ZNF287: variants seen among roughly 807,000 people sequenced by gnomAD.
ZNF287 encodes the protein zinc finger protein 287, also known as zinc finger protein with KRAB and SCAN domains 13.
Under a neutral mutation model 73.7 loss-of-function variants are expected in ZNF287, and 31 were observed. The ratio of observed to expected loss-of-function variants is 0.42; its 90% CI spans 0.32 to 0.57. The LOEUF (loss-of-function observed/expected upper bound fraction) is 0.57, where lower values mean the gene tolerates loss of function less well. Ranked by LOEUF, ZNF287 falls within the 20% of genes least tolerant of loss-of-function variation. ZNF287 has a pLI of 0.13. For missense variants in ZNF287, 641 were observed against 909.3 expected (o/e 0.70, Z 3.79); for synonymous variants, 301 against 307.2 (o/e 0.98, Z 0.21).
chr17:16,551,889 T>G lies in ZNF287; in HGVS notation c.2253A>C (p.Gln751His), dbSNP rs757741907. 1.2e-6 allele frequency: 2 copies of G among 1,608,498 alleles called. No homozygotes were observed. The highest frequency in any genetic ancestry group is 2.2e-5 in the East Asian group (1 of 44,786). ...GATGTTTGGCACCTGTATGAACACG[T>G]TGATGCTGAATAAGGTTTGTACTCT... The part of the protein sequence containing the change: ...FTQSTNLIQH[Q>H]RVHTGAKHRN Residue 751 changes from glutamine (Q) to histidine (H), a missense_variant, in exon 6 of 6, where the codon CAA becomes CAC. Gln to His is a conservative substitution (Grantham distance 24). This residue lies in a region of ZNF287 where 284 missense variants were observed against 466.8 expected (regional missense o/e 0.61). Transcript: ENST00000395825.
Position 16,549,734 on chromosome 17 carries a change from TA to T in ZNF287, c.*2121del, listed in dbSNP as rs1160728185. On this transcript the variant is annotated 3_prime_UTR_variant, in exon 6 of 6. Transcript: ENST00000395825. ...GGAAGTTGCATGGTTAATACATGCT[TA>T]AATTGATATTTATAGCACCAGAATT... Among the ~76,000 whole-genome samples the T allele has an allele frequency of 6.6e-6, 1 of 152,248 alleles. No homozygotes were observed. Among genetic ancestry groups the T allele is most frequent in the Non-Finnish European group, 1.5e-5 (1 of 68,048 alleles).
Position 16,551,490 on chromosome 17 carries a change from G to A in ZNF287, c.*366C>T, listed in dbSNP as rs769941875. The A allele has an allele frequency of 2.4e-4, 47 of 197,178 alleles. No individual in the cohort carries two copies. The highest frequency in any genetic ancestry group is 1.0e-3 in the African/African-American group (45 of 42,874). The allele number at this position is 197,178 out of a possible 1,614,324, so 12.2% of individuals were successfully genotyped here. ...ATACACAGGTTCCACCAGGCTGACC[G>A]TGCAACTTGAGTATGGGTAGATTTT... On this transcript the variant is annotated 3_prime_UTR_variant, in exon 6 of 6. Transcript: ENST00000395825.
intron 3 of ZNF287, among the ~76,000 whole-genome samples, chr17:16,564,237 G>T (rs1907617213): frequency 6.6e-6 from 1 of 152,164 alleles, no homozygotes; most frequent in African/African-American, 2.4e-5. Context: ...GTCTTGCCTG[G>T]TCACCTGGAC....
intron 5 of ZNF287, among the ~76,000 whole-genome samples, chr17:16,562,055 T>C (rs1047593169): frequency 3.3e-5 from 5 of 152,204 alleles, no homozygotes; most frequent in African/African-American, 4.8e-5. Context: ...TATAGAGATA[T>C]AGCAGAAGTG....
chr17:16,560,431 C>G (rs1907362974), intron 5 of ZNF287, among the ~76,000 whole-genome samples: 6 of 149,878 alleles, frequency 4.0e-5, no homozygotes, highest in Admixed American at 4.0e-4. Flanking sequence ...CTCACTGCAA[C>G]CCCCGCCTCC....
intron 5 of ZNF287, 127 bp downstream of exon 5, chr17:16,563,019 C>T (rs1312682325): frequency 3.0e-6 from 2 of 671,660 alleles, no homozygotes; most frequent in Admixed American, 2.8e-5. Context: ...CCAAACAGCT[C>T]AGTGTTCTTC....
chr17:16,549,991 T>C lies in ZNF287; in HGVS notation c.*1865A>G, dbSNP rs1333045210. Among the ~76,000 whole-genome samples, 1 of 152,224 alleles carries C rather than the reference T, an allele frequency of 6.6e-6. No homozygotes were observed. The highest frequency in any genetic ancestry group is 6.5e-5 in the Admixed American group (1 of 15,282). On this transcript the variant is annotated 3_prime_UTR_variant, in exon 6 of 6. Transcript: ENST00000395825. ...ATTTATTCATTAATTCAACCATGTA[T>C]TGACCATGCACTATTATGCAAGGGA...
chr17:16,548,669 G>A lies in ZNF287; in HGVS notation c.*3187C>T, dbSNP rs1310019075. Among the ~76,000 whole-genome samples, 12 of 152,028 alleles carry A rather than the reference G, an allele frequency of 7.9e-5. No individual in the cohort carries two copies. The highest frequency in any genetic ancestry group is 2.4e-4 in the African/African-American group (10 of 41,388). On this transcript the variant is annotated 3_prime_UTR_variant, in exon 6 of 6. Coordinates refer to ENST00000395825, the MANE Select transcript of ZNF287 (RefSeq NM_020653.4). The stretch of plus-strand genomic sequence containing the variant: ...AAAGAAATTAGCCGGGCGTGGTGGC[G>A]GGTGTCTGTAGTCCCAGCTACTCGG...
At chr17:16,563,490 G>A (rs1283071481) in intron 4 of ZNF287, among the ~76,000 whole-genome samples, 1 of 152,212 alleles carries the variant, frequency 6.6e-6, no homozygotes, top group Admixed American at 6.5e-5. Flanking sequence ...AGCATCAGGT[G>A]GCAGCACTAT....
Position 16,551,676 on chromosome 17 carries a change from C to A in ZNF287, c.*180G>T. The A allele has an allele frequency of 3.5e-6, 2 of 565,452 alleles. No homozygotes were observed. Among genetic ancestry groups the A allele is most frequent in the Non-Finnish European group, 5.8e-6 (2 of 344,414 alleles). The allele number at this position is 565,452 out of a possible 1,614,324, so 35.0% of individuals were successfully genotyped here. A position where few individuals can be genotyped will look rare whatever the true frequency, so the allele number is the denominator to read the frequency against. ...AAATTAAGGTTAAGAAGTCAAGTTT[C>A]CTTCTTAAATTTCACATTAAATCTA... On this transcript the variant is annotated 3_prime_UTR_variant, in exon 6 of 6. Coordinates refer to ENST00000395825, the MANE Select transcript of ZNF287 (RefSeq NM_020653.4).
At chr17:16,561,629 C>G (rs1316514070) in intron 5 of ZNF287, among the ~76,000 whole-genome samples, 1 of 151,998 alleles carries the variant, frequency 6.6e-6, no homozygotes, top group East Asian at 1.9e-4. Flanking sequence ...TTTAAACTGA[C>G]TAATCTTTAG....
At chr17:16,568,691 A>T (rs1907896368) in intron 1 of ZNF287, 1 of 152,272 alleles carries the variant, frequency 6.6e-6, no homozygotes, top group African/African-American at 2.4e-5. Context: ...AGGTGATGCG[A>T]CAGCCTTGCC....
Position 16,550,603 on chromosome 17 carries a change from A to G in ZNF287, c.*1253T>C, listed in dbSNP as rs551567545. Among the ~76,000 whole-genome samples the G allele has an allele frequency of 1.3e-5, 2 of 152,322 alleles. No individual in the cohort carries two copies. Among genetic ancestry groups the G allele is most frequent in the South Asian group, 4.1e-4 (2 of 4,826 alleles). On this transcript the variant is annotated 3_prime_UTR_variant, in exon 6 of 6. Coordinates refer to ENST00000395825, the MANE Select transcript of ZNF287 (RefSeq NM_020653.4). ...TTAGCAGGTTGCTTATGCTCAACCC[A>G]TGACAAAATATCACATCCTCACTTT...
intron 5 of ZNF287, among the ~76,000 whole-genome samples, chr17:16,554,075 C>T (rs1032008658): frequency 6.6e-6 from 1 of 152,174 alleles, no homozygotes; most frequent in African/African-American, 2.4e-5. Context: ...GGACTAGTGG[C>T]TTAAAGTATA....
chr17:16,553,070 G>A lies in ZNF287; in HGVS notation c.1072C>T (p.His358Tyr), dbSNP rs767166203. 1.2e-6 allele frequency: 2 copies of A among 1,614,092 alleles called. No individual in the cohort carries two copies. The highest frequency in any genetic ancestry group is 2.2e-5 in the East Asian group (1 of 44,886). The change falls in exon 6 of 6, where the codon CAT becomes TAT. Residue 358 changes from histidine (H) to tyrosine (Y), a missense_variant. By Grantham distance (83) the His-to-Tyr change is moderately conservative. Coordinates refer to ENST00000395825, the MANE Select transcript of ZNF287 (RefSeq NM_020653.4). ...TTCTCTCCAGGAAGTATTTTCCTAT[G>A]TACAATACCATATGAGACATGATTG... ...TFNHVSYGIVHRKILPGEKPY... is the reference protein window; with the variant it reads ...TFNHVSYGIVYRKILPGEKPY...
At chr17:16,562,201 T>C (rs758003879) in intron 5 of ZNF287, among the ~76,000 whole-genome samples, 27 of 151,910 alleles carry the variant, frequency 1.8e-4, no homozygotes, top group Non-Finnish European at 5.9e-5. Context: ...AAAAAGTCCA[T>C]GAATAAGGAA....
At chr17:16,561,852 G>A (rs977609973) in intron 5 of ZNF287, among the ~76,000 whole-genome samples, 4 of 152,162 alleles carry the variant, frequency 2.6e-5, no homozygotes, top group African/African-American at 4.8e-5. Context: ...TATAAAGGAT[G>A]TTTTTAGGAC....
chr17:16,561,484 A>G (rs7211497), intron 5 of ZNF287, among the ~76,000 whole-genome samples: 11,209 of 152,240 alleles, frequency 0.074, 1,397 homozygotes, highest in African/African-American at 0.25. Context: ...ATGCACCTTT[A>G]AAAAGGACAG....
chr17:16,559,572 A>ACACACAC (rs1555899603), intron 5 of ZNF287, among the ~76,000 whole-genome samples: 1 of 147,390 alleles, frequency 6.8e-6, no homozygotes, highest in Non-Finnish European at 1.5e-5. Context: ...TAAAAGAACT[A>ACACACAC]ACACACACAC....
Sources: allele counts gnomAD v4.1 joint callset (sites outside exome capture counted in the v4.1 genomes callset), GRCh38; gene constraint gnomAD v4.1.1; regional missense constraint gnomAD v4.1.1; transcripts MANE v1.5; gene names NCBI Gene and HGNC (gene_info 2026-07-23, HGNC 2026-07-21).